ERICH6B: variants seen among roughly 807,000 people sequenced by gnomAD.
ERICH6B encodes the protein glutamate rich 6B.
In ERICH6B, 69 loss-of-function variants were observed where a neutral mutation model predicts 80.0. That is an observed-to-expected ratio of 0.86 (90% CI 0.71 to 1.05). The LOEUF (loss-of-function observed/expected upper bound fraction) is 1.05, where lower values mean the gene tolerates loss of function less well. ERICH6B is among the 50% of genes least tolerant of loss of function. The probability of loss-of-function intolerance (pLI) is 0.00; values close to 1 mark genes in which losing one functional copy is unlikely to be tolerated. For missense variants in ERICH6B, 754 were observed against 796.1 expected, an observed-to-expected ratio of 0.95 and a Z score of 0.64; for synonymous variants, 283 against 291.9, an observed-to-expected ratio of 0.97 and a Z score of 0.31.
At chr13:45,597,531 T>G (rs1876451095) in intron 2 of ERICH6B, among the ~76,000 whole-genome samples, 1 of 152,144 alleles carries the variant, frequency 6.6e-6, no homozygotes, top group African/African-American at 2.4e-5. Flanking sequence ...TGGCTGGGGC[T>G]TCTGGTCAGT....
intron 5 of ERICH6B, among the ~76,000 whole-genome samples, chr13:45,582,592 C>A (rs1175539606): frequency 6.6e-6 from 1 of 152,152 alleles, no homozygotes; most frequent in Non-Finnish European, 1.5e-5. Context: ...ATAAATATTC[C>A]TTCTAAATCT....
At chr13:45,561,639 G>T (rs1874687236) in intron 10 of ERICH6B, 113 bp from the exon 11 acceptor site, 5 of 1,201,784 alleles carry the variant, frequency 4.2e-6, no homozygotes, top group Non-Finnish European at 5.7e-6. Context: ...TGGGAGATCT[G>T]CCATTTTTCC....
intron 3 of ERICH6B, 103 bp from the exon 4 acceptor site, chr13:45,590,800 A>G (rs1300392971): frequency 1.1e-6 from 1 of 927,550 alleles, no homozygotes; most frequent in African/African-American, 1.7e-5. Context: ...AGTTATAGAA[A>G]TTTTCTATTT....
At chr13:45,551,471 G>A (rs979867411) in intron 11 of ERICH6B, 1 of 152,086 alleles carries the variant, frequency 6.6e-6, no homozygotes, top group Non-Finnish European at 1.5e-5. Flanking sequence ...ATCAGAGAAA[G>A]CATTTAAAAG....
At chr13:45,561,626 G>C in intron 10 of ERICH6B, 100 bp from the exon 11 acceptor site, 1 of 1,356,862 alleles carries the variant, frequency 7.4e-7, no homozygotes, top group Admixed American at 2.5e-5. Flanking sequence ...GAGTTTGAGG[G>C]TTTGGGAGAT....
chr13:45,545,902 C>A (rs1873972241), intron 13 of ERICH6B, among the ~76,000 whole-genome samples: 1 of 152,224 alleles, frequency 6.6e-6, no homozygotes, highest in Non-Finnish European at 1.5e-5. Flanking sequence ...ACGTGAGTTA[C>A]ATATTATATA....
rs117241647 is a variant in ERICH6B, at chr13:45,545,396, G to A, written c.1647-411C>T. ...GGGACTCTGTTGCCATGCCTTGTTG[G>A]TTTCCTTCATATAATTTACGAATAG... On this transcript the variant is annotated intron_variant, in intron 13 of 14. Coordinates refer to ENST00000298738, the MANE Select transcript of ERICH6B (RefSeq NM_182542.3). Among the ~76,000 whole-genome samples the A allele has an allele frequency of 5.7e-3, 861 of 152,244 alleles. 6 individuals carry two copies. Among genetic ancestry groups the A allele is most frequent in the Non-Finnish European group, 9.2e-3 (627 of 68,016 alleles).
In ERICH6B at chr13:45,568,439, A is replaced by T; in HGVS notation, c.1063T>A (p.Ser355Thr). 6.6e-7 allele frequency: 1 copy of T among 1,525,054 alleles called. No homozygotes were observed. The highest frequency in any genetic ancestry group is 8.8e-7 in the Non-Finnish European group (1 of 1,137,960). 94.5% of individuals were successfully genotyped at this position (1,525,054 alleles called of 1,614,324 possible). A position where few individuals can be genotyped will look rare whatever the true frequency, so the allele number is the denominator to read the frequency against. The change falls in exon 9 of 15, where the codon TCC (serine) becomes ACC (threonine). Residue 355 changes from serine (S) to threonine (T), a missense_variant. Physicochemically the swap from Ser to Thr is moderately conservative, Grantham distance 58. Transcript: ENST00000298738. The stretch of plus-strand genomic sequence containing the variant: ...ATTGTTTTAAATACTGTCTGATAGG[A>T]GCTGTTCAAAAACTACAAAAGGATC... The part of the protein sequence containing the change: ...EDLDENFLNS[S>T]YQTVFKTIIK...
chr13:45,570,580 G>C (rs1044229488), intron 8 of ERICH6B, among the ~76,000 whole-genome samples: 2 of 152,216 alleles, frequency 1.3e-5, no homozygotes, highest in Non-Finnish European at 2.9e-5. Flanking sequence ...CTGGTTTCTG[G>C]TAGTCTCTCA....
At chr13:45,544,350 C>T (rs1873905837) in intron 14 of ERICH6B, among the ~76,000 whole-genome samples, 1 of 152,170 alleles carries the variant, frequency 6.6e-6, no homozygotes, top group Non-Finnish European at 1.5e-5. Context: ...GCTGGGATTA[C>T]AGGCATAAGC....
intron 2 of ERICH6B, among the ~76,000 whole-genome samples, chr13:45,606,547 A>ATATAT (rs1949866973): frequency 6.0e-5 from 1 of 16,612 alleles, no homozygotes; most frequent in African/African-American, 1.8e-4. Flanking sequence ...ATATATATAT[A>ATATAT]TTTTTTTTTT....
intron 6 of ERICH6B, 98 bp downstream of exon 6, chr13:45,580,505 C>T (rs1308685085): frequency 7.9e-7 from 1 of 1,268,478 alleles, no homozygotes; most frequent in African/African-American, 1.5e-5. Context: ...CAACAGCATG[C>T]TCTCCTTGGC....
chr13:45,548,504 C>G (rs986077700), intron 13 of ERICH6B, among the ~76,000 whole-genome samples: 1 of 152,146 alleles, frequency 6.6e-6, no homozygotes, highest in Admixed American at 6.5e-5. Context: ...AATCAGTTTG[C>G]GGGTAGGGCA....
chr13:45,574,205 A>G (rs1481873149), intron 8 of ERICH6B, among the ~76,000 whole-genome samples: 2 of 152,214 alleles, frequency 1.3e-5, no homozygotes, highest in African/African-American at 4.8e-5. Flanking sequence ...CTTCTTAGCA[A>G]TCGAGAACAC....
chr13:45,604,788 T>TAAAAATTA (rs1949847844), intron 2 of ERICH6B, among the ~76,000 whole-genome samples: 1 of 152,048 alleles, frequency 6.6e-6, no homozygotes, highest in Non-Finnish European at 1.5e-5. Context: ...TAGCCGGGCA[T>TAAAAATTA]GGTGGTGTGC....
At chr13:45,551,500 GT>G (rs1566285729) in intron 11 of ERICH6B, 1 of 152,184 alleles carries the variant, frequency 6.6e-6, no homozygotes, top group Admixed American at 6.5e-5. Context: ...CTGGCACCCA[GT>G]ATTCCCAGGC....
chr13:45,546,171 A>G (rs1873983408), intron 13 of ERICH6B, among the ~76,000 whole-genome samples: 1 of 152,170 alleles, frequency 6.6e-6, no homozygotes. Flanking sequence ...TCTCTCATCC[A>G]TTCCTGACCC....
chr13:45,575,533 G>T (rs528704006), intron 7 of ERICH6B, among the ~76,000 whole-genome samples: 28 of 152,132 alleles, frequency 1.8e-4, no homozygotes, highest in African/African-American at 6.3e-4. Context: ...ATTTTGTTCC[G>T]AGGGAGACTC....
intron 10 of ERICH6B, 134 bp downstream of exon 10, chr13:45,563,593 A>G (rs940693997): frequency 2.5e-6 from 2 of 808,884 alleles, no homozygotes; most frequent in Admixed American, 4.3e-5. Context: ...AGCCAGGACC[A>G]CATCAGCCCT....
Sources: allele counts gnomAD v4.1 joint callset (sites outside exome capture counted in the v4.1 genomes callset), GRCh38; gene constraint gnomAD v4.1.1; transcripts MANE v1.5; gene names NCBI Gene and HGNC (gene_info 2026-07-23, HGNC 2026-07-21).